The following PAPPA2 variants were observed in gnomAD, a reference collection of about 807,000 sequenced individuals.
PAPPA2 encodes the protein pappalysin-2.
A neutral mutation model predicts 176.4 loss-of-function variants in PAPPA2; 86 were observed. That is an observed-to-expected ratio of 0.49 (90% confidence interval 0.41 to 0.58). PAPPA2 has a LOEUF of 0.58. PAPPA2 is among the 20% of genes least tolerant of loss of function. The pLI, the probability that PAPPA2 is intolerant of heterozygous loss-of-function variation, is 0.00. For synonymous variants in PAPPA2, 809 were observed against 852.2 expected (o/e 0.95, Z 0.88); for missense variants, 2,073 against 2,256.9 (o/e 0.92, Z 1.65).
intron 3 of PAPPA2, among the ~76,000 whole-genome samples, chr1:176,656,683 C>T (rs1558500557): frequency 6.6e-6 from 1 of 151,730 alleles, no homozygotes; most frequent in East Asian, 1.9e-4. Context: ...TTCTCTTAAA[C>T]CTCTTTCCTC....
intron 11 of PAPPA2, 51 bp from the exon 12 acceptor site, chr1:176,711,784 T>A: frequency 6.4e-7 from 1 of 1,551,666 alleles, no homozygotes; most frequent in South Asian, 1.1e-5. Flanking sequence ...TTGTCCTTAC[T>A]TATATCTTCA....
intron 3 of PAPPA2, among the ~76,000 whole-genome samples, chr1:176,631,502 T>A: frequency 6.6e-6 from 1 of 152,148 alleles, no homozygotes; most frequent in East Asian, 1.9e-4. Context: ...CTAAAAACAT[T>A]GAATTGTACA....
At chr1:176,783,833 G>C (rs1022416975) in intron 17 of PAPPA2, among the ~76,000 whole-genome samples, 4 of 152,158 alleles carry the variant, frequency 2.6e-5, no homozygotes, top group African/African-American at 9.7e-5. Context: ...AATTTTAGTA[G>C]TTTACCAACC....
chr1:176,699,270 T>C lies in PAPPA2; in HGVS notation c.2917T>C (p.Phe973Leu). ...CACCCTCACCCTGTGGGTCACTTCC[T>C]TCTTCATGGAGTCCTCGCAGGTCCT... is the stretch of plus-strand genomic sequence containing the variant. ...ADTLTLWVTSFFMESSQVLFD... is the reference protein window; with the variant it reads ...ADTLTLWVTSLFMESSQVLFD... Residue 973 changes from phenylalanine to leucine, a missense_variant, in exon 8 of 23, where the codon TTC becomes CTC. This residue lies in a region of PAPPA2 where 1,196 missense variants were observed against 1,330.4 expected (regional missense o/e 0.90). Transcript: ENST00000367662. 1 of 1,614,170 alleles carries C rather than the reference T, an allele frequency of 6.2e-7. No homozygotes were observed. The highest frequency in any genetic ancestry group is 8.5e-7 in the Non-Finnish European group (1 of 1,180,018).
intron 2 of PAPPA2, among the ~76,000 whole-genome samples, chr1:176,591,458 G>T (rs1191863523): frequency 3.3e-5 from 5 of 150,800 alleles, no homozygotes; most frequent in Admixed American, 6.6e-5. Flanking sequence ...TTAATAAAGA[G>T]GTCCTTTTGC....
intron 21 of PAPPA2, among the ~76,000 whole-genome samples, chr1:176,807,217 C>A (rs1443188619): frequency 6.6e-6 from 1 of 152,182 alleles, no homozygotes; most frequent in Admixed American, 6.5e-5. Context: ...CACAAGGATA[C>A]TTCTCCCCAC....
In PAPPA2 at chr1:176,556,938, G is replaced by T. The variant is rs1405742303; in HGVS notation, c.616G>T (p.Ala206Ser). 3.1e-6 allele frequency: 5 copies of T among 1,614,126 alleles called. No homozygotes were observed. The South Asian group carries it at 5.5e-5, about 18-fold the overall frequency. The change falls in exon 2 of 23, where the codon GCG becomes TCG. Residue 206 changes from alanine (A) to serine (S), a missense_variant. By Grantham distance (99) the Ala-to-Ser change is moderately conservative. This residue lies in a region of PAPPA2 where 1,196 missense variants were observed against 1,330.4 expected (regional missense o/e 0.90). Transcript: ENST00000367662. ...GCGTCGCCAAGTGTGGAAGAGGCGG[G>T]CGGAAGATGGGCAGGGAGACTCCGG... ...RQRRQVWKRR[A>S]EDGQGDSGIS...
At chr1:176,557,639 C>A (rs1651406502) in intron 2 of PAPPA2, among the ~76,000 whole-genome samples, 1 of 152,164 alleles carries the variant, frequency 6.6e-6, no homozygotes, top group Non-Finnish European at 1.5e-5. Context: ...AGATGAGAAT[C>A]CAAGGACCTG....
intron 14 of PAPPA2, among the ~76,000 whole-genome samples, chr1:176,746,894 T>C (rs1176186727): frequency 6.6e-6 from 1 of 152,222 alleles, no homozygotes; most frequent in Non-Finnish European, 1.5e-5. Flanking sequence ...GTAGTGTGTG[T>C]GTTTGCATGT....
chr1:176,725,629 A>G (rs926641150), intron 12 of PAPPA2, among the ~76,000 whole-genome samples: 4 of 152,226 alleles, frequency 2.6e-5, no homozygotes, highest in African/African-American at 9.6e-5. Context: ...ACATAAGGAG[A>G]TAGAGATAAG....
chr1:176,828,497 TATTATTA>T (rs1666944930), intron 21 of PAPPA2, among the ~76,000 whole-genome samples: 1 of 150,940 alleles, frequency 6.6e-6, no homozygotes, highest in Non-Finnish European at 1.5e-5. Context: ...ATAGATTATA[TATTATTA>T]ATTATTATAC....
intron 21 of PAPPA2, among the ~76,000 whole-genome samples, chr1:176,832,550 T>C (rs1474695666): frequency 6.6e-6 from 1 of 151,962 alleles, no homozygotes; most frequent in Non-Finnish European, 1.5e-5. Context: ...ACAGGGTTTC[T>C]TCATGTTGGC....
intron 5 of PAPPA2, chr1:176,690,777 T>A (rs971269274): frequency 1.8e-6 from 2 of 1,084,056 alleles, no homozygotes; most frequent in Non-Finnish European, 1.1e-6. Context: ...TCTTAGACAT[T>A]TACTCTGAAG....
intron 1 of PAPPA2, among the ~76,000 whole-genome samples, chr1:176,493,987 A>T (rs950214367): frequency 5.3e-5 from 8 of 152,234 alleles, no homozygotes; most frequent in Non-Finnish European, 1.2e-4. Flanking sequence ...TTATTACCAG[A>T]TGCTCAGGTC....
At chr1:176,588,907 A>G (rs1218243519) in intron 2 of PAPPA2, among the ~76,000 whole-genome samples, 1 of 152,280 alleles carries the variant, frequency 6.6e-6, no homozygotes, top group African/African-American at 2.4e-5. Flanking sequence ...CAGTCTGAAG[A>G]TGTGTCTGCC....
At position 176,595,082 on chromosome 1, in the gene PAPPA2, C is replaced by T; in HGVS notation, c.1478C>T (p.Pro493Leu). The change falls in exon 3 of 23, where the codon CCT becomes CTT. Residue 493 changes from proline to leucine, a missense_variant. Around this residue, in one of 4 missense-constraint regions of PAPPA2, gnomAD observed 1,196 missense variants for 1,330.4 expected, o/e 0.90. Coordinates refer to ENST00000367662, the MANE Select transcript of PAPPA2 (RefSeq NM_020318.3). The part of the protein sequence containing the change: ...GFEPEPEILS[P>L]LQPPLCGQTV... ...GAGCCAGAGCCTGAGATTCTGTCGC[C>T]TTTGCAGCCCCCACTCTGTGGGCAA... is the stretch of plus-strand genomic sequence containing the variant. 2 of 1,614,158 alleles carry T rather than the reference C, an allele frequency of 1.2e-6. No individual in the cohort carries two copies. Among genetic ancestry groups the T allele is most frequent in the Non-Finnish European group, 1.7e-6 (2 of 1,180,014 alleles).
intron 2 of PAPPA2, among the ~76,000 whole-genome samples, chr1:176,578,998 G>A (rs374842349): frequency 6.6e-6 from 1 of 152,046 alleles, no homozygotes; most frequent in Non-Finnish European, 1.5e-5. Context: ...AATTCCCAGG[G>A]TGGATTATAC....
At chr1:176,837,800 G>C (rs576451952) in intron 21 of PAPPA2, among the ~76,000 whole-genome samples, 28 of 152,274 alleles carry the variant, frequency 1.8e-4, no homozygotes, top group African/African-American at 5.8e-4. Context: ...TCTATATCCA[G>C]TCTTCAGATA....
intron 1 of PAPPA2, among the ~76,000 whole-genome samples, chr1:176,534,341 G>A (rs576998012): frequency 8.5e-4 from 129 of 152,246 alleles, no homozygotes; most frequent in Non-Finnish European, 1.5e-3. Flanking sequence ...TCTGGGCCCA[G>A]CCTACTCATT....
Sources: gnomAD v4.1 joint callset for allele counts (sites outside exome capture counted in the v4.1 genomes callset) on GRCh38, gnomAD v4.1.1 for gene constraint, gnomAD v4.1.1 regional missense constraint, MANE v1.5 for transcripts, NCBI Gene and HGNC (gene_info 2026-07-23, HGNC 2026-07-21) for gene names.